Variants in CACNA1E observed in about 807,000 individuals in gnomAD.
CACNA1E encodes calcium voltage-gated channel subunit alpha1 E, also known as voltage-dependent R-type calcium channel subunit alpha-1E.
In CACNA1E, 40 loss-of-function variants were observed where a neutral mutation model predicts 259.2. The ratio of observed to expected loss-of-function variants is 0.15; its 90% CI spans 0.12 to 0.20. The LOEUF (loss-of-function observed/expected upper bound fraction) is 0.20, where lower values mean the gene tolerates loss of function less well. Ranked by LOEUF, CACNA1E falls within the 10% of genes least tolerant of loss-of-function variation. CACNA1E has a pLI of 1.00. For synonymous variants in CACNA1E, 1,104 were observed against 1,138.5 expected, an observed-to-expected ratio of 0.97 and a Z score of 0.61; for missense variants, 1,874 against 3,040.1, an observed-to-expected ratio of 0.62 and a Z score of 9.02.
intron 2 of CACNA1E, among the ~76,000 whole-genome samples, chr1:181,416,879 C>A (rs1051035188): frequency 1.3e-5 from 2 of 152,166 alleles, no homozygotes; most frequent in Non-Finnish European, 2.9e-5. Flanking sequence ...GGGTTTACTG[C>A]CTCTCTTCCC....
chr1:181,418,750 CCA>C (rs1297859517), intron 2 of CACNA1E, among the ~76,000 whole-genome samples: 2 of 151,974 alleles, frequency 1.3e-5, no homozygotes, highest in African/African-American at 4.8e-5. Context: ...TTGCCAATCC[CCA>C]GTGTCTCCCC....
chr1:181,681,508 C>G (rs983252728), intron 7 of CACNA1E, among the ~76,000 whole-genome samples: 7 of 152,310 alleles, frequency 4.6e-5, no homozygotes, highest in African/African-American at 1.7e-4. Context: ...ACCCAGGTTT[C>G]TGCCATAGCC....
intron 1 of CACNA1E, among the ~76,000 whole-genome samples, chr1:181,387,960 C>T (rs145370347): frequency 1.3e-5 from 2 of 152,296 alleles, no homozygotes; most frequent in Non-Finnish European, 2.9e-5. Context: ...AACCTTCCCC[C>T]TTGGGACCCT....
intron 25 of CACNA1E, among the ~76,000 whole-genome samples, chr1:181,744,467 A>G (rs1434374569): frequency 1.3e-5 from 2 of 152,182 alleles, no homozygotes; most frequent in Non-Finnish European, 2.9e-5. Context: ...GTGTTTTAGA[A>G]GGTGAGAATG....
intron 2 of CACNA1E, among the ~76,000 whole-genome samples, chr1:181,469,848 A>G (rs989045969): frequency 1.3e-5 from 2 of 152,164 alleles, no homozygotes; most frequent in Admixed American, 1.3e-4. Flanking sequence ...GCACACCCTA[A>G]TAGCCTCCAG....
chr1:181,380,086 G>A (rs924534414), intron 1 of CACNA1E, among the ~76,000 whole-genome samples: 1 of 149,582 alleles, frequency 6.7e-6, no homozygotes, highest in African/African-American at 2.4e-5. Context: ...ATAGCAAAGA[G>A]TTGTAGGTAA....
At chr1:181,737,401 TG>T in intron 22 of CACNA1E, 123 bp from the exon 23 acceptor site, 2 of 1,092,798 alleles carry the variant, frequency 1.8e-6, no homozygotes, top group Non-Finnish European at 1.3e-6. Context: ...TTGCTCTCCC[TG>T]GCGGCTTCCT....
intron 7 of CACNA1E, among the ~76,000 whole-genome samples, chr1:181,698,680 G>C (rs1488567190): frequency 1.3e-5 from 2 of 151,998 alleles, no homozygotes; most frequent in Admixed American, 6.6e-5. Flanking sequence ...TCCATGACAG[G>C]CCAGCCATCT....
At chr1:181,532,477 G>A (rs960770611) in intron 3 of CACNA1E, among the ~76,000 whole-genome samples, 2 of 152,226 alleles carry the variant, frequency 1.3e-5, no homozygotes, top group African/African-American at 4.8e-5. Context: ...CCCAAGCTTG[G>A]TGCAGGGGCT....
intron 1 of CACNA1E, among the ~76,000 whole-genome samples, chr1:181,386,642 G>A (rs1340532364): frequency 6.6e-6 from 1 of 152,218 alleles, no homozygotes; most frequent in Admixed American, 6.5e-5. Flanking sequence ...GTATAACTGA[G>A]GAACTGAGTT....
chr1:181,730,454 G>A (rs1054391662), intron 18 of CACNA1E, among the ~76,000 whole-genome samples: 1 of 152,230 alleles, frequency 6.6e-6, no homozygotes, highest in African/African-American at 2.4e-5. Context: ...GTGTTTGTAA[G>A]GACACAACAT....
intron 1 of CACNA1E, among the ~76,000 whole-genome samples, chr1:181,359,153 A>G (rs1557939998): frequency 6.6e-6 from 1 of 152,212 alleles, no homozygotes; most frequent in Non-Finnish European, 1.5e-5. Context: ...AACACTGGGT[A>G]TGTGCTAAAT....
At chr1:181,689,940 A>T (rs1197533716) in intron 7 of CACNA1E, among the ~76,000 whole-genome samples, 1 of 152,110 alleles carries the variant, frequency 6.6e-6, no homozygotes, top group Non-Finnish European at 1.5e-5. Context: ...GTTCACTCTG[A>T]TGATAGTTTC....
At chr1:181,731,304 C>T in intron 19 of CACNA1E, 73 bp downstream of exon 19, 1 of 1,238,868 alleles carries the variant, frequency 8.1e-7, no homozygotes, top group Non-Finnish European at 1.2e-6. Flanking sequence ...TTGTCCTTGC[C>T]ATAGACAAAG....
chr1:181,482,050 G>C (rs1571973969), upstream of CACNA1E, among the ~76,000 whole-genome samples: 1 of 152,160 alleles, frequency 6.6e-6, no homozygotes, highest in Admixed American at 6.5e-5. Context: ...AGAAGCTCCC[G>C]CCAGGAGCCA....
At chr1:181,781,329 A>G (rs1471439936) in intron 38 of CACNA1E, 98 bp from the exon 39 acceptor site, 4 of 688,560 alleles carry the variant, frequency 5.8e-6, no homozygotes, top group African/African-American at 5.3e-5. Flanking sequence ...CTCCTCTCCT[A>G]TCTGTCTGCA....
intron 6 of CACNA1E, among the ~76,000 whole-genome samples, chr1:181,582,686 C>G (rs1249757787): frequency 6.6e-6 from 1 of 152,152 alleles, no homozygotes; most frequent in Non-Finnish European, 1.5e-5. Flanking sequence ...TGTTTATTAA[C>G]TGAGCATCTA....
intron 2 of CACNA1E, among the ~76,000 whole-genome samples, chr1:181,421,131 A>G (rs1189067646): frequency 1.3e-5 from 2 of 152,210 alleles, no homozygotes; most frequent in Non-Finnish European, 2.9e-5. Context: ...TCCGAAGCCC[A>G]TGTTTGTTCT....
intron 7 of CACNA1E, among the ~76,000 whole-genome samples, chr1:181,706,417 C>A (rs1258931510): frequency 6.6e-6 from 1 of 152,180 alleles, no homozygotes; most frequent in Non-Finnish European, 1.5e-5. Context: ...GCCTGATGGG[C>A]ATGTTAAATC....
Sources: allele counts gnomAD v4.1 joint callset (sites outside exome capture counted in the v4.1 genomes callset), GRCh38; gene constraint gnomAD v4.1.1; transcripts MANE v1.5; gene names NCBI Gene and HGNC (gene_info 2026-07-23, HGNC 2026-07-21).